PALLD: variants seen among roughly 807,000 people sequenced by gnomAD.
PALLD encodes the protein palladin.
In PALLD, 61 loss-of-function variants were observed where a neutral mutation model predicts 123.5. The observed-to-expected ratio is 0.49, with a 90% confidence interval of 0.40 to 0.61. The LOEUF (loss-of-function observed/expected upper bound fraction) is 0.61, where lower values mean the gene tolerates loss of function less well. Among genes scored for constraint, PALLD ranks in the 20% least tolerant of loss-of-function variants. PALLD has a pLI of 0.00. For synonymous variants in PALLD, 465 were observed against 496.4 expected, an observed-to-expected ratio of 0.94 and a Z score of 0.84; for missense variants, 1,273 against 1,377.0, an observed-to-expected ratio of 0.92 and a Z score of 1.20.
intron 10 of PALLD, among the ~76,000 whole-genome samples, chr4:168,810,814 CA>C (rs756218492): frequency 3.5e-4 from 22 of 62,476 alleles, no homozygotes; most frequent in East Asian, 8.2e-4. Context: ...GACTCCGTCT[CA>C]AAAAAAAAAA....
intron 2 of PALLD, among the ~76,000 whole-genome samples, chr4:168,609,607 G>A (rs575761019): frequency 2.4e-4 from 36 of 152,156 alleles, no homozygotes; most frequent in Non-Finnish European, 1.9e-4. Context: ...AGTGGCCTAG[G>A]GGCAGAGCAC....
intron 10 of PALLD, among the ~76,000 whole-genome samples, chr4:168,738,322 G>A (rs906177056): frequency 6.6e-6 from 1 of 152,190 alleles, no homozygotes; most frequent in Non-Finnish European, 1.5e-5. Flanking sequence ...GAGCCTCTAT[G>A]GAAGACACAG....
intron 10 of PALLD, among the ~76,000 whole-genome samples, chr4:168,749,058 G>T (rs1381114866): frequency 6.6e-6 from 1 of 152,134 alleles, no homozygotes; most frequent in Admixed American, 6.5e-5. Flanking sequence ...GGTGCTTGGG[G>T]CAGGAGGGCA....
At chr4:168,578,182 C>T (rs1460180935) in intron 2 of PALLD, among the ~76,000 whole-genome samples, 3 of 152,014 alleles carry the variant, frequency 2.0e-5, no homozygotes, top group African/African-American at 7.3e-5. Flanking sequence ...ATACACCTTC[C>T]ATTAAGTTAG....
At chr4:168,905,790 C>CTTTTTTTTTTTTTTTTTTTTTTTTTTTT in intron 15 of PALLD, among the ~76,000 whole-genome samples, 1 of 113,096 alleles carries the variant, frequency 8.8e-6, no homozygotes, top group African/African-American at 3.2e-5. Flanking sequence ...GCTTTTTTTT[C>CTTTTTTTTTTTTTTTTTTTTTTTTTTTT]TTTTTTTTTT....
intron 10 of PALLD, among the ~76,000 whole-genome samples, chr4:168,733,834 A>G (rs1787430323): frequency 6.6e-6 from 1 of 152,184 alleles, no homozygotes; most frequent in Admixed American, 6.5e-5. Flanking sequence ...TCCCAGGTTC[A>G]TGCCATTCTC....
chr4:168,615,992 C>A (rs567983709), intron 2 of PALLD, among the ~76,000 whole-genome samples: 1 of 152,004 alleles, frequency 6.6e-6, no homozygotes, highest in South Asian at 2.1e-4. Context: ...CCATTTTTTT[C>A]TTTTTCCTTT....
chr4:168,528,065 T>C (rs1032725348), intron 2 of PALLD, among the ~76,000 whole-genome samples: 1 of 152,202 alleles, frequency 6.6e-6, no homozygotes, highest in African/African-American at 2.4e-5. Context: ...TACCTTCAGA[T>C]ATAATCTTTT....
chr4:168,898,275 T>C, intron 13 of PALLD: 1 of 578,922 alleles, frequency 1.7e-6, no homozygotes, highest in Non-Finnish European at 3.1e-6. Flanking sequence ...TACCCCCCTC[T>C]TTTTGGATGA....
At chr4:168,725,596 T>A (rs952294944) in intron 10 of PALLD, among the ~76,000 whole-genome samples, 1 of 145,032 alleles carries the variant, frequency 6.9e-6, no homozygotes, top group African/African-American at 2.6e-5. Context: ...GTGCGATCTC[T>A]GCTCACTGCA....
chr4:168,503,451 C>A (rs896617625), intron 1 of PALLD, among the ~76,000 whole-genome samples: 5 of 152,138 alleles, frequency 3.3e-5, no homozygotes, highest in African/African-American at 1.2e-4. Context: ...AGATCGAGAC[C>A]ATCCTGCTAA....
chr4:168,658,285 G>GTTTTTTTTTTTTTTTT (rs66527351), intron 2 of PALLD, among the ~76,000 whole-genome samples: 2 of 131,646 alleles, frequency 1.5e-5, no homozygotes, highest in Non-Finnish European at 3.1e-5. Flanking sequence ...TTTTTATTTG[G>GTTTTTTTTTTTTTTTT]TTTTTTTTTT....
intron 17 of PALLD, among the ~76,000 whole-genome samples, chr4:168,919,979 G>A (rs377204402): frequency 5.3e-5 from 8 of 152,262 alleles, no homozygotes; most frequent in East Asian, 3.9e-4. Context: ...TTGAGAGTAC[G>A]CGTGCTTTGG....
chr4:168,618,485 T>C (rs1312412524), intron 2 of PALLD, among the ~76,000 whole-genome samples: 4 of 152,180 alleles, frequency 2.6e-5, no homozygotes, highest in Non-Finnish European at 5.9e-5. Flanking sequence ...AGGGCCATAC[T>C]CGTACAGGTA....
intron 12 of PALLD, among the ~76,000 whole-genome samples, chr4:168,895,250 C>T (rs749948650): frequency 4.6e-5 from 7 of 152,050 alleles, no homozygotes; most frequent in East Asian, 1.9e-4. Flanking sequence ...GGTGTGGTGA[C>T]GCACACCTGT....
At chr4:168,614,501 C>A (rs1043880909) in intron 2 of PALLD, among the ~76,000 whole-genome samples, 1 of 151,980 alleles carries the variant, frequency 6.6e-6, no homozygotes, top group Non-Finnish European at 1.5e-5. Flanking sequence ...ATTTGAAAAA[C>A]CATAAAGCAG....
intron 10 of PALLD, among the ~76,000 whole-genome samples, chr4:168,776,072 G>C (rs891717605): frequency 2.0e-5 from 3 of 152,170 alleles, no homozygotes; most frequent in Non-Finnish European, 4.4e-5. Flanking sequence ...TTACCAAAAA[G>C]CTTGCTGGGA....
rs934025639 is a variant in PALLD at position 168,812,398 on chromosome 4, C to T, written c.1965-78524C>T. 5.9e-5 allele frequency among the ~76,000 whole-genome samples: 9 copies of T among 152,168 alleles called. No individual in the cohort carries two copies. The South Asian group carries it at 1.9e-3, about 32-fold the overall frequency. On this transcript the variant is annotated intron_variant, in intron 10 of 21. Transcript: ENST00000505667. ...GGGCACTGTATACACAGAAACATCTCCCTTGGGCCTCTTATGGGTAATTAC... is the reference window on the plus strand; with the variant it reads ...GGGCACTGTATACACAGAAACATCTTCCTTGGGCCTCTTATGGGTAATTAC...
intron 10 of PALLD, among the ~76,000 whole-genome samples, chr4:168,715,494 T>A (rs1785260911): frequency 6.6e-6 from 1 of 152,240 alleles, no homozygotes; most frequent in African/African-American, 2.4e-5. Flanking sequence ...TAAGTCATAA[T>A]CTTAACAGGA....
Sources: gnomAD v4.1 joint callset for allele counts (sites outside exome capture counted in the v4.1 genomes callset) on GRCh38, gnomAD v4.1.1 for gene constraint, MANE v1.5 for transcripts, NCBI Gene and HGNC (gene_info 2026-07-23, HGNC 2026-07-21) for gene names.